CCDC171: variants seen among roughly 807,000 people sequenced by gnomAD.
CCDC171 encodes the protein coiled-coil domain-containing protein 171.
A neutral mutation model predicts 168.2 loss-of-function variants in CCDC171; 177 were observed. That is an observed-to-expected ratio of 1.05 (90% CI 0.93 to 1.19). The LOEUF (loss-of-function observed/expected upper bound fraction) is 1.19. Ranked by LOEUF, CCDC171 falls within the 50% of genes most tolerant of loss-of-function variation. The pLI, the probability that CCDC171 is intolerant of heterozygous loss-of-function variation, is 0.00. For synonymous variants in CCDC171, 687 were observed against 540.8 expected (o/e 1.27, Z -3.75); for missense variants, 1,991 against 1,539.0 (o/e 1.29, Z -4.91).
chr9:15,874,185 A>G (rs755297919), intron 23 of CCDC171, among the ~76,000 whole-genome samples: 4 of 152,142 alleles, frequency 2.6e-5, no homozygotes, highest in Non-Finnish European at 5.9e-5. Flanking sequence ...GATAATGATT[A>G]GGAGATGGCT....
At chr9:15,635,288 AT>A (rs1302550314) in intron 7 of CCDC171, among the ~76,000 whole-genome samples, 6 of 152,152 alleles carry the variant, frequency 3.9e-5, no homozygotes, top group Non-Finnish European at 8.8e-5. Flanking sequence ...CCTTTTTATC[AT>A]TTTATGTGCT....
intron 21 of CCDC171, among the ~76,000 whole-genome samples, chr9:15,804,982 G>C (rs941622374): frequency 2.0e-5 from 3 of 151,944 alleles, no homozygotes; most frequent in Non-Finnish European, 4.4e-5. Context: ...TTCAGTCTTG[G>C]GAGGGTATAT....
At chr9:15,768,944 C>A (rs2056872346) in intron 18 of CCDC171, among the ~76,000 whole-genome samples, 1 of 152,182 alleles carries the variant, frequency 6.6e-6, no homozygotes, top group African/African-American at 2.4e-5. Flanking sequence ...CAACACCCTT[C>A]ATGACCAGAT....
chr9:15,932,687 C>T (rs2132164425), intron 25 of CCDC171, among the ~76,000 whole-genome samples: 1 of 151,906 alleles, frequency 6.6e-6, no homozygotes, highest in South Asian at 2.1e-4. Context: ...TGTTTTCTTC[C>T]TGATTTTAGG....
At chr9:15,617,817 C>T (rs761459519) in intron 6 of CCDC171, among the ~76,000 whole-genome samples, 22 of 152,154 alleles carry the variant, frequency 1.4e-4, no homozygotes, top group Non-Finnish European at 2.5e-4. Context: ...CCCTGTTTGC[C>T]TGGGTATCAC....
the CCDC171 span, among the ~76,000 whole-genome samples, chr9:16,104,967 G>T: frequency 6.6e-6 from 1 of 152,168 alleles, no homozygotes; most frequent in Non-Finnish European, 1.5e-5. Context: ...CTACTTAGGA[G>T]TGAAGTATTA....
At chr9:15,610,176 A>T (rs2043544626) in intron 6 of CCDC171, among the ~76,000 whole-genome samples, 1 of 151,802 alleles carries the variant, frequency 6.6e-6, no homozygotes, top group Non-Finnish European at 1.5e-5. Flanking sequence ...CTTATTTTGA[A>T]GGTGTTTCTC....
At position 15,636,358 on chromosome 9, in the gene CCDC171, G is replaced by A. The variant is rs79915321; in HGVS notation, c.822+12945G>A. Reference sequence around the variant, plus strand: ...ATTTGAAATAGTATTTTAACATATTGTCTTGTGCTGAACATCTTTTTAGGC... The same window carrying A: ...ATTTGAAATAGTATTTTAACATATTATCTTGTGCTGAACATCTTTTTAGGC... On this transcript the variant is annotated intron_variant, in intron 7 of 25. Transcript: ENST00000380701. 4.3e-3 allele frequency among the ~76,000 whole-genome samples: 658 copies of A among 152,214 alleles called. 6 individuals are homozygous for A. Among genetic ancestry groups the A allele is most frequent in the African/African-American group, 0.016 (644 of 41,530 alleles).
At chr9:15,791,645 G>C (rs1021588396) in intron 21 of CCDC171, among the ~76,000 whole-genome samples, 3 of 152,150 alleles carry the variant, frequency 2.0e-5, no homozygotes, top group South Asian at 2.1e-4. Context: ...GAATGGGAGT[G>C]GTGAGAGAGG....
intron 2 of CCDC171, among the ~76,000 whole-genome samples, chr9:15,567,862 C>T (rs780220736): frequency 6.6e-6 from 1 of 152,014 alleles, no homozygotes; most frequent in Non-Finnish European, 1.5e-5. Context: ...CTATGTTTCT[C>T]AGGCTGGTCT....
intron 21 of CCDC171, among the ~76,000 whole-genome samples, chr9:15,838,600 T>A (rs2060548108): frequency 6.6e-6 from 1 of 152,150 alleles, no homozygotes; most frequent in African/African-American, 2.4e-5. Flanking sequence ...GGATGGGAGT[T>A]GGGAGTCCAC....
At chr9:15,587,493 G>A in intron 4 of CCDC171, 1 of 368,336 alleles carries the variant, frequency 2.7e-6, no homozygotes, top group Middle Eastern at 3.8e-4. Context: ...ATGTGAAACT[G>A]TAAGTCCAAT....
chr9:16,044,345 C>A (rs1400146125), intron 1 of CCDC171, among the ~76,000 whole-genome samples: 1 of 152,168 alleles, frequency 6.6e-6, no homozygotes, highest in East Asian at 1.9e-4. Flanking sequence ...AGGAGAGGAT[C>A]CGGTTACTTC....
chr9:15,702,456 C>A (rs1244517506), intron 11 of CCDC171, among the ~76,000 whole-genome samples: 1 of 151,976 alleles, frequency 6.6e-6, no homozygotes, highest in Admixed American at 6.6e-5. Flanking sequence ...TCTATAAATG[C>A]ATAGGCAGAG....
chr9:15,994,257 TA>T (rs1318359199), intron 3 of CCDC171, among the ~76,000 whole-genome samples: 2 of 152,070 alleles, frequency 1.3e-5, no homozygotes, highest in Non-Finnish European at 2.9e-5. Flanking sequence ...TATGCAGCCA[TA>T]AAAAAGGATG....
At chr9:15,876,287 A>G (rs1285925451) in intron 24 of CCDC171, among the ~76,000 whole-genome samples, 1 of 152,138 alleles carries the variant, frequency 6.6e-6, no homozygotes, top group Non-Finnish European at 1.5e-5. Context: ...AGTATACATC[A>G]TAGTTGGAAA....
chr9:15,828,399 A>G (rs984671303), intron 21 of CCDC171, among the ~76,000 whole-genome samples: 7 of 152,040 alleles, frequency 4.6e-5, no homozygotes, highest in African/African-American at 1.4e-4. Flanking sequence ...GTTCAGTAAC[A>G]TCCAGTGCCC....
At chr9:15,886,070 C>T (rs1206984894) in intron 24 of CCDC171, 1 of 151,900 alleles carries the variant, frequency 6.6e-6, no homozygotes, top group African/African-American at 2.4e-5. Context: ...TTAGGATATC[C>T]ACATGCAAAA....
At chr9:15,736,573 A>T (rs2054507378) in intron 16 of CCDC171, among the ~76,000 whole-genome samples, 1 of 152,136 alleles carries the variant, frequency 6.6e-6, no homozygotes, top group South Asian at 2.1e-4. Flanking sequence ...GCTGGCCCTG[A>T]ACTCCTGGGC....
Sources: allele counts gnomAD v4.1 joint callset (sites outside exome capture counted in the v4.1 genomes callset), GRCh38; gene constraint gnomAD v4.1.1; transcripts MANE v1.5; gene names NCBI Gene and HGNC (gene_info 2026-07-23, HGNC 2026-07-21).